Variants in CCDC141 observed in about 807,000 individuals in gnomAD.
The protein encoded by CCDC141 is coiled-coil domain containing 141.
Under a neutral mutation model 181.0 loss-of-function variants are expected in CCDC141, and 168 were observed. That is an observed-to-expected ratio of 0.93 (90% CI 0.82 to 1.05). The LOEUF (loss-of-function observed/expected upper bound fraction) is 1.05. Ranked by LOEUF, CCDC141 falls within the 50% of genes least tolerant of loss-of-function variation. The pLI, the probability that CCDC141 is intolerant of heterozygous loss-of-function variation, is 0.00. For missense variants in CCDC141, 1,902 were observed against 1,788.5 expected (o/e 1.06, Z -1.14); for synonymous variants, 666 against 642.3 (o/e 1.04, Z -0.56).
intron 5 of CCDC141, among the ~76,000 whole-genome samples, chr2:178,959,511 A>C (rs1297862062): frequency 2.6e-5 from 4 of 152,086 alleles, no homozygotes; most frequent in African/African-American, 9.7e-5. Context: ...TTACAATTTT[A>C]AGTTGTTTCG....
chr2:178,921,408 T>C (rs1229423579), intron 6 of CCDC141, among the ~76,000 whole-genome samples: 2 of 152,250 alleles, frequency 1.3e-5, no homozygotes, highest in Non-Finnish European at 2.9e-5. Flanking sequence ...TCTCCAAATG[T>C]GTTCTTTATT....
intron 2 of CCDC141, among the ~76,000 whole-genome samples, chr2:179,016,570 T>C (rs1416239909): frequency 1.3e-5 from 2 of 152,108 alleles, no homozygotes; most frequent in African/African-American, 4.8e-5. Flanking sequence ...GTCATAATCA[T>C]AGTTGTATTG....
intron 2 of CCDC141, among the ~76,000 whole-genome samples, chr2:178,997,103 A>G (rs935862682): frequency 3.9e-5 from 6 of 152,156 alleles, no homozygotes; most frequent in Non-Finnish European, 7.3e-5. Flanking sequence ...CTTGAAATAG[A>G]ACATGATCTT....
intron 2 of CCDC141, among the ~76,000 whole-genome samples, chr2:179,018,283 C>T (rs890081869): frequency 2.6e-5 from 4 of 152,072 alleles, no homozygotes; most frequent in African/African-American, 9.7e-5. Context: ...TGTGGCATAT[C>T]CTGCATGTTT....
chr2:178,983,053 T>A (rs541117134), intron 2 of CCDC141, among the ~76,000 whole-genome samples: 1 of 152,282 alleles, frequency 6.6e-6, no homozygotes, highest in South Asian at 2.1e-4. Context: ...CTCTGCAGAC[T>A]TAAATGTCCC....
intron 21 of CCDC141, among the ~76,000 whole-genome samples, chr2:178,846,861 C>T (rs116343952): frequency 0.037 from 5,656 of 152,234 alleles, 138 homozygotes; most frequent in Middle Eastern, 0.068. Context: ...CTTTGTAAGT[C>T]TCAAATTGCT....
chr2:178,884,475 C>T (rs1686781877), intron 11 of CCDC141, among the ~76,000 whole-genome samples: 1 of 152,016 alleles, frequency 6.6e-6, no homozygotes, highest in South Asian at 2.1e-4. Context: ...TACTTTTTCC[C>T]CATGTAAAAA....
At chr2:178,845,562 T>C (rs1038505762) in intron 22 of CCDC141, 64 bp downstream of exon 22, 2 of 866,044 alleles carry the variant, frequency 2.3e-6, no homozygotes, top group Admixed American at 1.9e-5. Context: ...TATTTTGCAA[T>C]GGACAATGAC....
chr2:178,880,263 T>A (rs768365463), intron 11 of CCDC141, among the ~76,000 whole-genome samples: 7 of 152,246 alleles, frequency 4.6e-5, no homozygotes, highest in Non-Finnish European at 7.3e-5. Flanking sequence ...GGTGAATTAA[T>A]GATAAACTTT....
chr2:178,827,827 C>T (rs138476364), downstream of CCDC141, among the ~76,000 whole-genome samples: 628 of 152,296 alleles, frequency 4.1e-3, 3 homozygotes, highest in African/African-American at 0.014. Flanking sequence ...TGGCTTAAAA[C>T]AACAGAAATG....
Position 178,874,026 on chromosome 2 carries a change from A to G in CCDC141, c.1900-1714T>C, listed in dbSNP as rs531550763. 5.3e-5 allele frequency: 8 copies of G among 152,222 alleles called. No individual in the cohort carries two copies. In the East Asian group the frequency reaches 1.5e-3, roughly 29 times the overall value. 9.4% of individuals were successfully genotyped at this position (152,222 alleles called of 1,614,324 possible). A position where few individuals can be genotyped will look rare whatever the true frequency, so the allele number is the denominator to read the frequency against. ...TTTTAGATGAACTGAAATTTTTTCT[A>G]TTTCTGGCTTGAAAATATGAGCCAC... On this transcript the variant is annotated intron_variant, in intron 12 of 23. Coordinates refer to ENST00000443758, the MANE Select transcript of CCDC141 (RefSeq NM_173648.4).
downstream of CCDC141, among the ~76,000 whole-genome samples, chr2:178,828,819 T>C (rs1369355373): frequency 6.6e-6 from 1 of 152,220 alleles, no homozygotes; most frequent in Non-Finnish European, 1.5e-5. Context: ...TAGGTCCCTT[T>C]ATATTTCACT....
At chr2:178,847,089 C>A (rs1004655443) in intron 21 of CCDC141, among the ~76,000 whole-genome samples, 1 of 152,124 alleles carries the variant, frequency 6.6e-6, no homozygotes, top group African/African-American at 2.4e-5. Context: ...AATGCTGATG[C>A]CTATTTCTCT....
chr2:178,970,054 C>A (rs1427253015), intron 4 of CCDC141, among the ~76,000 whole-genome samples: 8 of 152,130 alleles, frequency 5.3e-5, no homozygotes, highest in Admixed American at 1.3e-4. Flanking sequence ...CCTAGGAATC[C>A]AACTTACAAG....
intron 22 of CCDC141, among the ~76,000 whole-genome samples, chr2:178,844,950 G>T (rs986393549): frequency 3.3e-5 from 5 of 152,150 alleles, no homozygotes; most frequent in African/African-American, 1.2e-4. Flanking sequence ...AGCAACTTAT[G>T]CTGAAAAACC....
chr2:179,001,298 C>G (rs1483105823), intron 2 of CCDC141, among the ~76,000 whole-genome samples: 1 of 152,104 alleles, frequency 6.6e-6, no homozygotes, highest in Non-Finnish European at 1.5e-5. Context: ...ATGAGAAGCA[C>G]AATTTGAGAA....
At chr2:178,971,221 T>A (rs1409524900) in intron 4 of CCDC141, among the ~76,000 whole-genome samples, 8 of 151,942 alleles carry the variant, frequency 5.3e-5, no homozygotes, top group Admixed American at 2.0e-4. Flanking sequence ...TAAAAAAAAA[T>A]TTATAAGAAA....
intron 6 of CCDC141, among the ~76,000 whole-genome samples, chr2:178,938,196 G>A (rs1689365494): frequency 6.6e-6 from 1 of 152,016 alleles, no homozygotes; most frequent in South Asian, 2.1e-4. Flanking sequence ...ATGTTAGAAA[G>A]ACATTTAGGG....
intron 2 of CCDC141, among the ~76,000 whole-genome samples, chr2:179,035,531 CCTGT>C (rs1252723906): frequency 6.6e-6 from 1 of 152,138 alleles, no homozygotes; most frequent in Non-Finnish European, 1.5e-5. Context: ...GTGGAAAAGG[CCTGT>C]CTCTGCCCCA....
Sources: allele counts gnomAD v4.1 joint callset (sites outside exome capture counted in the v4.1 genomes callset), GRCh38; gene constraint gnomAD v4.1.1; transcripts MANE v1.5; gene names NCBI Gene and HGNC (gene_info 2026-07-23, HGNC 2026-07-21).